TBC1D9: variants seen among roughly 807,000 people sequenced by gnomAD.
TBC1D9 encodes the protein TBC1 domain family member 9, also known as TBC1 domain family member 9A.
TBC1D9 carries 63 observed loss-of-function variants against 132.0 expected under a neutral mutation model. That is an observed-to-expected ratio of 0.48 (90% CI 0.39 to 0.59). The LOEUF (loss-of-function observed/expected upper bound fraction) is 0.59. Among genes scored for constraint, TBC1D9 ranks in the 20% least tolerant of loss-of-function variants. The pLI is 0.00. For missense variants in TBC1D9, 1,261 were observed against 1,592.7 expected (o/e 0.79, Z 3.54); for synonymous variants, 610 against 609.9 (o/e 1.00, Z 0.00).
chr4:140,658,034 C>T (rs537567432), intron 11 of TBC1D9, among the ~76,000 whole-genome samples: 1 of 152,164 alleles, frequency 6.6e-6, no homozygotes, highest in South Asian at 2.1e-4. Flanking sequence ...TTTTCCCTTC[C>T]AAAAAAGAAC....
chr4:140,700,559 C>T (rs1738052006), intron 2 of TBC1D9, among the ~76,000 whole-genome samples: 1 of 151,930 alleles, frequency 6.6e-6, no homozygotes, highest in Non-Finnish European at 1.5e-5. Context: ...GTGGCTCACA[C>T]CTGTAATCCT....
chr4:140,628,022 A>G (rs1435758148), intron 17 of TBC1D9, among the ~76,000 whole-genome samples: 2 of 152,204 alleles, frequency 1.3e-5, no homozygotes, highest in Non-Finnish European at 2.9e-5. Flanking sequence ...CAATCCTTGT[A>G]TCCCAGGTGT....
In TBC1D9 at chr4:140,714,808, G is replaced by A. The variant is rs533940505; in HGVS notation, c.131-13194C>T. ...GTGATGCTATACTAGAGTCAGGTTG[G>A]AATTAGGCACCTTACTGCTACAAAG... On this transcript the variant is annotated intron_variant, in intron 1 of 20. Transcript: ENST00000442267. Among the ~76,000 whole-genome samples the A allele has an allele frequency of 4.6e-5, 7 of 152,228 alleles. No homozygotes were observed. In the South Asian group the frequency reaches 1.5e-3, roughly 32 times the overall value.
chr4:140,718,839 G>GT (rs1207447956), intron 1 of TBC1D9, among the ~76,000 whole-genome samples: 2 of 152,124 alleles, frequency 1.3e-5, no homozygotes, highest in Non-Finnish European at 2.9e-5. Context: ...AGCACTTTGG[G>GT]AGGCCAAGGT....
At chr4:140,640,985 C>A (rs1736979208) in intron 13 of TBC1D9, among the ~76,000 whole-genome samples, 1 of 149,638 alleles carries the variant, frequency 6.7e-6, no homozygotes, top group South Asian at 2.1e-4. Flanking sequence ...CACTCAAATG[C>A]TCATGCACAG....
At position 140,659,572 on chromosome 4, in the gene TBC1D9, A is replaced by G. The variant is rs764693037; in HGVS notation, c.1921+16T>C. ...GACGAGACATAGGTTGAAATGTTAA[A>G]TGCATCTCCACTTACCCACAACTCT... On this transcript the variant is annotated intron_variant, in intron 11 of 20. Coordinates refer to ENST00000442267, the MANE Select transcript of TBC1D9 (RefSeq NM_015130.3). 23 of 1,528,568 alleles carry G rather than the reference A, an allele frequency of 1.5e-5. No homozygotes were observed. The African/African-American group carries it at 2.7e-4, about 18-fold the overall frequency. The allele number at this position is 1,528,568 out of a possible 1,614,324, so 94.7% of individuals were successfully genotyped here. A position where few individuals can be genotyped will look rare whatever the true frequency, so the allele number is the denominator to read the frequency against.
chr4:140,746,684 G>A (rs1268788337), intron 1 of TBC1D9, among the ~76,000 whole-genome samples: 2 of 152,144 alleles, frequency 1.3e-5, no homozygotes, highest in Non-Finnish European at 2.9e-5. Flanking sequence ...CCAAGCGAAA[G>A]GGGTTTCCCC....
chr4:140,719,163 A>T (rs1416557159), intron 1 of TBC1D9, among the ~76,000 whole-genome samples: 9 of 146,316 alleles, frequency 6.2e-5, no homozygotes, highest in East Asian at 2.0e-4. Context: ...AATAAATAAA[A>T]GAAAGTGGAT....
intron 15 of TBC1D9, among the ~76,000 whole-genome samples, chr4:140,638,509 GAA>G (rs879795021): frequency 7.6e-6 from 1 of 131,176 alleles, no homozygotes. Flanking sequence ...TAAAAAAAAA[GAA>G]AAAAAAAAAG....
At chr4:140,750,670 T>C (rs1477564779) in intron 1 of TBC1D9, among the ~76,000 whole-genome samples, 3 of 151,732 alleles carry the variant, frequency 2.0e-5, no homozygotes, top group African/African-American at 7.3e-5. Context: ...TATACCATGT[T>C]CATGGATCAG....
chr4:140,704,123 C>A (rs1253211123), intron 1 of TBC1D9, among the ~76,000 whole-genome samples: 1 of 152,092 alleles, frequency 6.6e-6, no homozygotes, highest in Admixed American at 6.6e-5. Context: ...GTGGGCTAGG[C>A]GCGGTGGCTA....
intron 16 of TBC1D9, among the ~76,000 whole-genome samples, chr4:140,631,059 A>T (rs566643818): frequency 6.6e-6 from 1 of 152,190 alleles, no homozygotes; most frequent in South Asian, 2.1e-4. Flanking sequence ...CCAGTTACAC[A>T]ATCACCAATT....
intron 1 of TBC1D9, among the ~76,000 whole-genome samples, chr4:140,709,332 A>G (rs1738203792): frequency 6.6e-6 from 1 of 151,456 alleles, no homozygotes; most frequent in African/African-American, 2.4e-5. Flanking sequence ...TAAGAAGTCT[A>G]AGAAATACAC....
intron 1 of TBC1D9, among the ~76,000 whole-genome samples, chr4:140,747,125 A>G (rs1372713749): frequency 6.6e-6 from 1 of 152,190 alleles, no homozygotes; most frequent in African/African-American, 2.4e-5. Flanking sequence ...AAATGGGCAG[A>G]TCATCTGAGG....
intron 1 of TBC1D9, among the ~76,000 whole-genome samples, chr4:140,747,458 A>G (rs1189776403): frequency 6.6e-6 from 1 of 152,182 alleles, no homozygotes; most frequent in African/African-American, 2.4e-5. Context: ...CCTTTTCTAC[A>G]TACTGAGGAT....
chr4:140,692,342 C>T (rs897965348), intron 2 of TBC1D9, among the ~76,000 whole-genome samples: 1 of 152,124 alleles, frequency 6.6e-6, no homozygotes, highest in Non-Finnish European at 1.5e-5. Flanking sequence ...ATAAAGGGAA[C>T]CAAATGAATA....
intron 9 of TBC1D9, among the ~76,000 whole-genome samples, chr4:140,662,641 A>G (rs1737381455): frequency 6.6e-6 from 1 of 152,224 alleles, no homozygotes; most frequent in Non-Finnish European, 1.5e-5. Flanking sequence ...TTCAAATTGC[A>G]GAGTGGTAAG....
At chr4:140,678,034 C>A (rs1332234827) in intron 5 of TBC1D9, among the ~76,000 whole-genome samples, 2 of 151,504 alleles carry the variant, frequency 1.3e-5, no homozygotes, top group East Asian at 1.9e-4. Flanking sequence ...AAAAAGCAAT[C>A]CTCCCCTCCT....
At chr4:140,645,627 G>T (rs1263904853) in intron 13 of TBC1D9, 1 of 239,696 alleles carries the variant, frequency 4.2e-6, no homozygotes, top group Non-Finnish European at 8.1e-6. Flanking sequence ...CTCTTCCTTT[G>T]TTTAAAATTC....
Sources: gnomAD v4.1 joint callset for allele counts (sites outside exome capture counted in the v4.1 genomes callset) on GRCh38, gnomAD v4.1.1 for gene constraint, MANE v1.5 for transcripts, NCBI Gene and HGNC (gene_info 2026-07-23, HGNC 2026-07-21) for gene names.